The following BCAR3 variants were observed in gnomAD, a reference collection of about 807,000 sequenced individuals.
The protein encoded by BCAR3 is BCAR3 adaptor protein, NSP family member, also known as breast cancer anti-estrogen resistance protein 3.
Under a neutral mutation model 80.1 loss-of-function variants are expected in BCAR3, and 37 were observed. The ratio of observed to expected loss-of-function variants is 0.46; its 90% confidence interval spans 0.36 to 0.61. The LOEUF (loss-of-function observed/expected upper bound fraction) is 0.61, where lower values mean the gene tolerates loss of function less well. Ranked by LOEUF, BCAR3 falls within the 20% of genes least tolerant of loss-of-function variation. The pLI is 0.00. For synonymous variants in BCAR3, 389 were observed against 418.9 expected, an observed-to-expected ratio of 0.93 and a Z score of 0.87; for missense variants, 978 against 1,068.2, an observed-to-expected ratio of 0.92 and a Z score of 1.18.
chr1:93,815,532 C>T (rs924614052), intron 2 of BCAR3, among the ~76,000 whole-genome samples: 5 of 151,996 alleles, frequency 3.3e-5, no homozygotes, highest in Non-Finnish European at 7.4e-5. Context: ...TAAAGTGAAC[C>T]TCACTTGGTA....
intron 2 of BCAR3, among the ~76,000 whole-genome samples, chr1:93,758,820 G>C (rs1651833266): frequency 6.6e-6 from 1 of 152,156 alleles, no homozygotes; most frequent in Non-Finnish European, 1.5e-5. Flanking sequence ...GCATTTGGGA[G>C]GAGGGACAGT....
At chr1:93,642,175 C>G in intron 3 of BCAR3, 129 bp downstream of exon 3, 1 of 1,054,030 alleles carries the variant, frequency 9.5e-7, no homozygotes, top group Admixed American at 1.9e-5. Flanking sequence ...AATTTCCTCC[C>G]TGTTGTTTTG....
Position 93,732,624 on chromosome 1 carries a change from GA to G in BCAR3, c.-62-26483del, listed in dbSNP as rs927611645. On this transcript the variant is annotated intron_variant, in intron 2 of 13. Coordinates refer to the BCAR3 transcript ENST00000370244. ...AGAGCAAGACCTTGTCTCAAAAAAA[GA>G]AAAAAAAACGAAAAGAAAAAGAAAA... Among the ~76,000 whole-genome samples the G allele has an allele frequency of 3.4e-5, 5 of 145,986 alleles. 1 individual carries two copies. Among genetic ancestry groups the G allele is most frequent in the African/African-American group, 1.3e-4 (5 of 39,838 alleles).
At chr1:93,674,172 G>T (rs563520626) in intron 2 of BCAR3, among the ~76,000 whole-genome samples, 6 of 152,284 alleles carry the variant, frequency 3.9e-5, no homozygotes, top group Non-Finnish European at 7.4e-5. Flanking sequence ...CAGACAAAAC[G>T]GGACTGGCCT....
intron 2 of BCAR3, among the ~76,000 whole-genome samples, chr1:93,766,235 C>A (rs1357226685): frequency 6.6e-6 from 1 of 152,206 alleles, no homozygotes; most frequent in Non-Finnish European, 1.5e-5. Flanking sequence ...TCAGAGGAAA[C>A]CACATTGGTG....
chr1:93,774,221 A>G (rs1652457816), intron 2 of BCAR3, among the ~76,000 whole-genome samples: 1 of 152,168 alleles, frequency 6.6e-6, no homozygotes, highest in African/African-American at 2.4e-5. Context: ...ACAGTGGCTC[A>G]TGCCTGTAAT....
intron 2 of BCAR3, among the ~76,000 whole-genome samples, chr1:93,815,109 G>C (rs1653971158): frequency 6.6e-6 from 1 of 152,202 alleles, no homozygotes; most frequent in Non-Finnish European, 1.5e-5. Context: ...AAGGAAACAA[G>C]CTGAGCAACA....
intron 5 of BCAR3, among the ~76,000 whole-genome samples, chr1:93,587,768 C>A (rs35896714): frequency 8.1e-4 from 123 of 151,254 alleles, no homozygotes; most frequent in African/African-American, 2.7e-3. Flanking sequence ...AAGCTGGGAG[C>A]CGGGTCAGGG....
intron 9 of BCAR3, 151 bp from the exon 10 acceptor site, chr1:93,568,002 T>G: frequency 3.5e-6 from 2 of 564,834 alleles, no homozygotes; most frequent in Non-Finnish European, 6.4e-6. Flanking sequence ...GTCTGGCCAG[T>G]ATGGTGAAAC....
At chr1:93,841,775 C>CA (rs1486509384) in intron 2 of BCAR3, among the ~76,000 whole-genome samples, 1 of 152,180 alleles carries the variant, frequency 6.6e-6, no homozygotes, top group African/African-American at 2.4e-5. Context: ...GGCACAGAAC[C>CA]ATGCCTGACT....
intron 5 of BCAR3, among the ~76,000 whole-genome samples, chr1:93,585,895 T>A (rs189317570): frequency 2.0e-5 from 3 of 152,138 alleles, no homozygotes; most frequent in Non-Finnish European, 4.4e-5. Flanking sequence ...CACACCACCA[T>A]GCCCAGCTAA....
At chr1:93,727,275 T>A (rs1650627555) in intron 2 of BCAR3, among the ~76,000 whole-genome samples, 1 of 152,206 alleles carries the variant, frequency 6.6e-6, no homozygotes, top group Non-Finnish European at 1.5e-5. Flanking sequence ...CTGGATTTAA[T>A]GTGGCAGCCT....
intron 2 of BCAR3, among the ~76,000 whole-genome samples, chr1:93,717,201 AC>A (rs1650218866): frequency 6.6e-6 from 1 of 152,136 alleles, no homozygotes; most frequent in South Asian, 2.1e-4. Flanking sequence ...TAGCTGAGTA[AC>A]CCCAGATCAA....
intron 2 of BCAR3, among the ~76,000 whole-genome samples, chr1:93,727,490 T>G (rs1026130017): frequency 2.6e-5 from 4 of 152,222 alleles, no homozygotes; most frequent in African/African-American, 9.6e-5. Context: ...AACTGGACTT[T>G]ATTCAAGAAT....
intron 2 of BCAR3, among the ~76,000 whole-genome samples, chr1:93,815,845 C>T (rs139839813): frequency 2.9e-4 from 44 of 152,306 alleles, no homozygotes; most frequent in African/African-American, 9.4e-4. Flanking sequence ...AGCAACCACA[C>T]TTATCTCACT....
At chr1:93,671,235 T>G in intron 2 of BCAR3, among the ~76,000 whole-genome samples, 1 of 152,186 alleles carries the variant, frequency 6.6e-6, no homozygotes, top group Admixed American at 6.5e-5. Flanking sequence ...CCTCGTGATC[T>G]GTCCACCTCG....
At chr1:93,591,459 A>C (rs1430471468) in intron 4 of BCAR3, among the ~76,000 whole-genome samples, 1 of 152,100 alleles carries the variant, frequency 6.6e-6, no homozygotes, top group African/African-American at 2.4e-5. Flanking sequence ...TGGGTGATAG[A>C]GTAAGACTCT....
At chr1:93,678,233 T>A (rs1567791) in intron 1 of BCAR3, among the ~76,000 whole-genome samples, 9 of 152,028 alleles carry the variant, frequency 5.9e-5, no homozygotes, top group African/African-American at 1.5e-4. Flanking sequence ...GATTAGTGAG[T>A]CTTTTTGGTA....
At chr1:93,625,940 C>T (rs565019082) in intron 3 of BCAR3, among the ~76,000 whole-genome samples, 2 of 152,342 alleles carry the variant, frequency 1.3e-5, no homozygotes, top group South Asian at 4.1e-4. Flanking sequence ...CCCTCGACTA[C>T]ACTTGCATAC....
Sources: allele counts gnomAD v4.1 joint callset (sites outside exome capture counted in the v4.1 genomes callset), GRCh38; gene constraint gnomAD v4.1.1; transcripts MANE v1.5; gene names NCBI Gene and HGNC (gene_info 2026-07-23, HGNC 2026-07-21).